The following GLRA3 variants were observed in gnomAD, a reference collection of about 807,000 sequenced individuals.
GLRA3 encodes the protein glycine receptor alpha 3.
A neutral mutation model predicts 60.4 loss-of-function variants in GLRA3; 44 were observed. The observed-to-expected ratio is 0.73, with a 90% CI of 0.57 to 0.94. GLRA3 has a LOEUF of 0.94. Among genes scored for constraint, GLRA3 ranks in the 40% least tolerant of loss-of-function variants. The probability of loss-of-function intolerance (pLI) is 0.00; values close to 1 mark genes in which losing one functional copy is unlikely to be tolerated. For synonymous variants in GLRA3, 223 were observed against 192.9 expected, an observed-to-expected ratio of 1.16 and a Z score of -1.29; for missense variants, 508 against 564.6, an observed-to-expected ratio of 0.90 and a Z score of 1.02.
intron 3 of GLRA3, among the ~76,000 whole-genome samples, chr4:174,746,607 T>A (rs1737259845): frequency 6.6e-6 from 1 of 152,296 alleles, no homozygotes; most frequent in East Asian, 1.9e-4. Flanking sequence ...ATGGCTATAC[T>A]TAGCAACAAT....
intron 1 of GLRA3, among the ~76,000 whole-genome samples, chr4:174,818,464 G>C (rs1740599260): frequency 6.6e-6 from 1 of 152,012 alleles, no homozygotes; most frequent in Non-Finnish European, 1.5e-5. Flanking sequence ...TTATCACTTA[G>C]GGGGAAATAT....
chr4:174,714,041 T>A (rs1184183646), intron 5 of GLRA3, among the ~76,000 whole-genome samples: 1 of 152,216 alleles, frequency 6.6e-6, no homozygotes, highest in Non-Finnish European at 1.5e-5. Flanking sequence ...TCACAACCAC[T>A]GCGAATCAGC....
chr4:174,711,547 C>T (rs1400161508), intron 5 of GLRA3, among the ~76,000 whole-genome samples: 4 of 151,682 alleles, frequency 2.6e-5, no homozygotes, highest in Non-Finnish European at 5.9e-5. Flanking sequence ...TCAAGCGATT[C>T]TCCAGCCTCA....
At chr4:174,819,165 A>T (rs940470506) in intron 1 of GLRA3, among the ~76,000 whole-genome samples, 6 of 152,370 alleles carry the variant, frequency 3.9e-5, no homozygotes, top group Non-Finnish European at 8.8e-5. Flanking sequence ...AAACATGCCT[A>T]TGTTGACACC....
intron 1 of GLRA3, among the ~76,000 whole-genome samples, chr4:174,811,315 A>G (rs1475439477): frequency 6.6e-6 from 1 of 151,898 alleles, no homozygotes; most frequent in Non-Finnish European, 1.5e-5. Flanking sequence ...GGAAGGTAAA[A>G]TTTTCTTGGA....
intron 3 of GLRA3, among the ~76,000 whole-genome samples, chr4:174,755,094 A>T (rs555544227): frequency 2.6e-5 from 4 of 152,162 alleles, no homozygotes; most frequent in Non-Finnish European, 2.9e-5. Context: ...GACAATGATC[A>T]GGACTCAGAA....
At chr4:174,706,302 A>C (rs565653898) in intron 5 of GLRA3, among the ~76,000 whole-genome samples, 1 of 152,302 alleles carries the variant, frequency 6.6e-6, no homozygotes, top group African/African-American at 2.4e-5. Flanking sequence ...GCTATCGATA[A>C]ATCTTCAGGA....
At chr4:174,781,872 G>A (rs1471060769) in intron 2 of GLRA3, among the ~76,000 whole-genome samples, 4 of 152,118 alleles carry the variant, frequency 2.6e-5, no homozygotes, top group Admixed American at 6.6e-5. Flanking sequence ...ATTCACAGCC[G>A]AATTCTACCA....
rs909869107 is a variant in GLRA3, at chr4:174,706,005, T to C, written c.574+9483A>G. Among the ~76,000 whole-genome samples, 7 of 152,110 alleles carry C rather than the reference T, an allele frequency of 4.6e-5. No homozygotes were observed. In the East Asian group the frequency reaches 5.8e-4, roughly 13 times the overall value. ...TCACACTTTGGGAGGCCAAGGTGGG[T>C]GGATCACAAGGTCAGGAATCCAGAC... On this transcript the variant is annotated intron_variant, in intron 5 of 9. Coordinates refer to ENST00000274093, the MANE Select transcript of GLRA3 (RefSeq NM_006529.4).
chr4:174,779,385 G>A lies in GLRA3; in HGVS notation c.199+9431C>T, dbSNP rs1457185953. Among the ~76,000 whole-genome samples the A allele has an allele frequency of 3.9e-5, 6 of 152,218 alleles. No homozygotes were observed. The South Asian group carries it at 8.3e-4, about 21-fold the overall frequency. On this transcript the variant is annotated intron_variant, in intron 2 of 9. Transcript: ENST00000274093. ...GGGAAAAAACAGAACAGAAAAACTC[G>A]AAACTCTAAAAAGCAGAGTGACTCT...
In GLRA3 at chr4:174,728,582, T is replaced by C. The variant is rs1736411762; in HGVS notation, c.384A>G (p.Lys128=). The C allele has an allele frequency of 1.2e-6, 2 of 1,612,922 alleles. No individual in the cohort carries two copies. The highest frequency in any genetic ancestry group is 1.7e-6 in the Non-Finnish European group (2 of 1,178,878). Residue 128 remains lysine (K), a synonymous_variant, in exon 4 of 10, where the codon AAA becomes AAG. Coordinates refer to ENST00000274093, the MANE Select transcript of GLRA3 (RefSeq NM_006529.4). ...TTTCATTGGCAAAGAACAAATCAGG[T>C]TTCCAAATGGAGTCCAACATGGAGG... ...LDPSMLDSIW[K]PDLFFANEKG...
At chr4:174,819,741 G>A (rs563795617) in intron 1 of GLRA3, among the ~76,000 whole-genome samples, 1 of 152,262 alleles carries the variant, frequency 6.6e-6, no homozygotes, top group South Asian at 2.1e-4. Flanking sequence ...AGAGACAAAT[G>A]TTCTGTGGTA....
At chr4:174,801,104 C>T (rs1739794707) in intron 1 of GLRA3, among the ~76,000 whole-genome samples, 1 of 151,988 alleles carries the variant, frequency 6.6e-6, no homozygotes, top group African/African-American at 2.4e-5. Context: ...ATTTTCAACT[C>T]AGGATATTTT....
At chr4:174,742,973 G>C (rs908278015) in intron 3 of GLRA3, among the ~76,000 whole-genome samples, 1 of 152,054 alleles carries the variant, frequency 6.6e-6, no homozygotes, top group Non-Finnish European at 1.5e-5. Context: ...CAACCTATTT[G>C]ATTATATAAA....
rs78123512 is a variant in GLRA3 at position 174,773,859 on chromosome 4, G to A, written c.200-6829C>T. 5.9e-3 allele frequency among the ~76,000 whole-genome samples: 900 copies of A among 152,260 alleles called. 11 individuals carry two copies. The highest frequency in any genetic ancestry group is 0.02 in the African/African-American group (834 of 41,534). ...TGGGCAGTGCAAAATAGGCTTAAGT[G>A]CTGGGATGGCTGAGGGGGTCGTAGT... On this transcript the variant is annotated intron_variant, in intron 2 of 9. Coordinates refer to ENST00000274093, the MANE Select transcript of GLRA3 (RefSeq NM_006529.4).
At chr4:174,774,364 A>G (rs570481402) in intron 2 of GLRA3, among the ~76,000 whole-genome samples, 6 of 150,580 alleles carry the variant, frequency 4.0e-5, no homozygotes, top group Admixed American at 6.6e-5. Context: ...GTGTGTGTGT[A>G]TGTGTGTGTG....
chr4:174,692,344 C>T (rs1176753831), intron 5 of GLRA3, among the ~76,000 whole-genome samples: 8 of 148,900 alleles, frequency 5.4e-5, no homozygotes, highest in Non-Finnish European at 7.5e-5. Context: ...CTCGGCCAGC[C>T]GCCACGTCCG....
chr4:174,787,312 T>G (rs985057742), intron 2 of GLRA3, among the ~76,000 whole-genome samples: 1 of 152,134 alleles, frequency 6.6e-6, no homozygotes, highest in African/African-American at 2.4e-5. Flanking sequence ...TCACTGAATA[T>G]GGACTCACCA....
intron 3 of GLRA3, among the ~76,000 whole-genome samples, chr4:174,735,718 G>A (rs1016710772): frequency 3.3e-5 from 5 of 151,952 alleles, no homozygotes; most frequent in Non-Finnish European, 7.4e-5. Flanking sequence ...CTGCCACTGC[G>A]TCCATGTAAT....
Sources: gnomAD v4.1 joint callset for allele counts (sites outside exome capture counted in the v4.1 genomes callset) on GRCh38, gnomAD v4.1.1 for gene constraint, MANE v1.5 for transcripts, NCBI Gene and HGNC (gene_info 2026-07-23, HGNC 2026-07-21) for gene names.